RPH3A: variants seen among roughly 807,000 people sequenced by gnomAD.
RPH3A encodes the protein rabphilin 3A, also known as rabphilin-3A.
RPH3A carries 48 observed loss-of-function variants against 102.2 expected under a neutral mutation model. The ratio of observed to expected loss-of-function variants is 0.47; its 90% CI spans 0.37 to 0.60. The LOEUF (loss-of-function observed/expected upper bound fraction) is 0.60. RPH3A is among the 20% of genes least tolerant of loss of function. RPH3A has a pLI of 0.00. For synonymous variants in RPH3A, 310 were observed against 324.3 expected (o/e 0.96, Z 0.47); for missense variants, 781 against 910.1 (o/e 0.86, Z 1.83).
chr12:112,691,260 C>T (rs2040305072), intron 1 of RPH3A, among the ~76,000 whole-genome samples: 1 of 152,184 alleles, frequency 6.6e-6, no homozygotes, highest in African/African-American at 2.4e-5. Context: ...GATCCGCCCG[C>T]CTCGGCCTCC....
rs1185424951 is a variant in RPH3A at position 112,712,999 on chromosome 12, CTCTTCCTCTTCCTCT to C, written c.-139-79141_-139-79127del. On this transcript the variant is annotated intron_variant, in intron 1 of 21. Transcript: ENST00000543106. The stretch of plus-strand genomic sequence containing the variant: ...TTTCTTCTTCGTCGTCTTTGTCTTC[CTCTTCCTCTTCCTCT>C]TCCTCTTCCTCTTCTTCTTCTTCTT... Among the ~76,000 whole-genome samples the C allele has an allele frequency of 5.8e-4, 39 of 67,486 alleles. 2 individuals carry two copies. Among genetic ancestry groups the C allele is most frequent in the African/African-American group, 2.5e-3 (38 of 15,312 alleles). 44.3% of individuals were successfully genotyped at this position (67,486 alleles called of 152,430 possible). A position where few individuals can be genotyped will look rare whatever the true frequency, so the allele number is the denominator to read the frequency against.
At chr12:112,879,032 C>A in intron 13 of RPH3A, 87 bp from the exon 14 acceptor site, 1 of 1,198,300 alleles carries the variant, frequency 8.3e-7, no homozygotes, top group Non-Finnish European at 1.2e-6. Context: ...ATTCACAGCC[C>A]AGCCTGGGCA....
chr12:112,611,579 C>A (rs958525302), intron 1 of RPH3A, among the ~76,000 whole-genome samples: 1 of 152,092 alleles, frequency 6.6e-6, no homozygotes, highest in African/African-American at 2.4e-5. Context: ...GCTGAGATTA[C>A]AGGTGCGCAC....
At chr12:112,847,124 A>G (rs1257099384) in intron 4 of RPH3A, among the ~76,000 whole-genome samples, 1 of 152,216 alleles carries the variant, frequency 6.6e-6, no homozygotes, top group African/African-American at 2.4e-5. Context: ...AGAGATAATT[A>G]GGTAATGTGG....
intron 1 of RPH3A, among the ~76,000 whole-genome samples, chr12:112,768,746 C>T (rs1260623983): frequency 6.6e-6 from 1 of 152,102 alleles, no homozygotes; most frequent in African/African-American, 2.4e-5. Flanking sequence ...GGCCCCATCT[C>T]TACAAAAATA....
In RPH3A at chr12:112,847,831, G is replaced by A; in HGVS notation, c.219G>A (p.Gln73=). The A allele has an allele frequency of 6.2e-7, 1 of 1,614,122 alleles. No individual in the cohort carries two copies. The highest frequency in any genetic ancestry group is 8.5e-7 in the Non-Finnish European group (1 of 1,179,994). ...ARAEKMEEME[Q]ERIGRLVDRL... is the part of the protein sequence containing the mutation. ...CTGAGAAAATGGAAGAGATGGAGCA[G>A]GAGCGAATCGGGTGAGGCTTAACGC... The change falls in exon 5 of 22, where the codon CAG becomes CAA. Residue 73 remains glutamine, a synonymous_variant. Transcript: ENST00000389385.
chr12:112,875,163 G>A lies in RPH3A; in HGVS notation c.876G>A (p.Gly292=), dbSNP rs763581686. 5.6e-6 allele frequency: 9 copies of A among 1,600,068 alleles called. No individual in the cohort carries two copies. In the Admixed American group the frequency reaches 1.0e-4, roughly 18 times the overall value. Residue 292 remains glycine, a synonymous_variant, in exon 11 of 22, where the codon GGG becomes GGA. Transcript: ENST00000389385. The stretch of plus-strand genomic sequence containing the variant: ...AGAGCCCAGCGCCACCTCAGCCTGG[G>A]CAGCCAGGTACCTGCCACTCACCTG... ...SVQSPAPPQP[G]QPGTPGGSRP...
At chr12:112,817,994 G>A (rs941947822) in intron 2 of RPH3A, among the ~76,000 whole-genome samples, 2 of 152,200 alleles carry the variant, frequency 1.3e-5, no homozygotes, top group African/African-American at 4.8e-5. Context: ...ATTCAAATTG[G>A]ACTTGAATTT....
At chr12:112,579,227 AG>A (rs2039379894) in intron 1 of RPH3A, among the ~76,000 whole-genome samples, 1 of 152,134 alleles carries the variant, frequency 6.6e-6, no homozygotes, top group Admixed American at 6.5e-5. Flanking sequence ...CATTGGGCAG[AG>A]TTTCATTTGT....
intron 1 of RPH3A, among the ~76,000 whole-genome samples, chr12:112,701,824 A>C (rs138489457): frequency 1.8e-4 from 27 of 152,368 alleles, no homozygotes; most frequent in African/African-American, 6.0e-4. Context: ...CACATTTTCT[A>C]TGTTGACAGT....
At chr12:112,735,296 A>G (rs955631600) in intron 1 of RPH3A, among the ~76,000 whole-genome samples, 1 of 152,206 alleles carries the variant, frequency 6.6e-6, no homozygotes, top group Admixed American at 6.5e-5. Context: ...TTCCACTGGG[A>G]CCCTAAAGCA....
chr12:112,642,411 T>C (rs1019769044), intron 1 of RPH3A, among the ~76,000 whole-genome samples: 3 of 152,348 alleles, frequency 2.0e-5, no homozygotes, highest in Admixed American at 2.0e-4. Context: ...GAGTTTTCTA[T>C]AACAAATACA....
At chr12:112,752,673 C>T (rs2136061689) in intron 1 of RPH3A, among the ~76,000 whole-genome samples, 1 of 147,712 alleles carries the variant, frequency 6.8e-6, no homozygotes, top group East Asian at 2.0e-4. Flanking sequence ...AAATCAATAA[C>T]TAGAATGTAT....
At chr12:112,872,089 C>T (rs2042719087) in intron 10 of RPH3A, among the ~76,000 whole-genome samples, 1 of 152,212 alleles carries the variant, frequency 6.6e-6, no homozygotes, top group Non-Finnish European at 1.5e-5. Context: ...TATGGTAATT[C>T]TGTGTTTAAT....
At chr12:112,769,974 T>C (rs909823514) in intron 1 of RPH3A, among the ~76,000 whole-genome samples, 5 of 152,372 alleles carry the variant, frequency 3.3e-5, no homozygotes, top group Non-Finnish European at 7.3e-5. Flanking sequence ...AGTATTGTTT[T>C]GTGAATGCAT....
rs569256222 is a variant in RPH3A at position 112,693,718 on chromosome 12, G to A, written c.-139-98425G>A. On this transcript the variant is annotated intron_variant, in intron 1 of 21. Coordinates refer to the RPH3A transcript ENST00000543106. The stretch of plus-strand genomic sequence containing the variant: ...GACCCAAGCCAAACTTTCCTTCCCT[G>A]ATCACTTTTTCTAGTGATGCCCCCT... Among the ~76,000 whole-genome samples, 4 of 152,168 alleles carry A rather than the reference G, an allele frequency of 2.6e-5. No homozygotes were observed. In the South Asian group the frequency reaches 8.3e-4, roughly 32 times the overall value.
Position 112,594,848 on chromosome 12 carries a change from A to G in RPH3A, c.-140+19529A>G, listed in dbSNP as rs74823615. On this transcript the variant is annotated intron_variant, in intron 1 of 21. Transcript: ENST00000543106. ...AAGGTATTGATTAATTAATTCACCA[A>G]TGTTCATTGAGCACTCGCTATATTC... Among the ~76,000 whole-genome samples, 7 of 152,348 alleles carry G rather than the reference A, an allele frequency of 4.6e-5. No homozygotes were observed. The East Asian group carries it at 9.6e-4, about 21-fold the overall frequency.
chr12:112,817,571 A>C (rs1166778261), intron 2 of RPH3A, among the ~76,000 whole-genome samples: 12 of 128,316 alleles, frequency 9.4e-5, no homozygotes, highest in Admixed American at 2.6e-4. Context: ...TGCACCCCCC[A>C]CCCCCCGCAC....
At chr12:112,812,974 CTTTA>C (rs1298583466) in intron 2 of RPH3A, among the ~76,000 whole-genome samples, 3 of 152,230 alleles carry the variant, frequency 2.0e-5, no homozygotes, top group Admixed American at 1.3e-4. Context: ...ACTTCATCCT[CTTTA>C]TTTAACCATG....
Sources: gnomAD v4.1 joint callset for allele counts (sites outside exome capture counted in the v4.1 genomes callset) on GRCh38, gnomAD v4.1.1 for gene constraint, MANE v1.5 for transcripts, NCBI Gene and HGNC (gene_info 2026-07-23, HGNC 2026-07-21) for gene names.